Variants in FRK observed in about 807,000 individuals in gnomAD.
FRK encodes the protein tyrosine-protein kinase FRK.
Under a neutral mutation model 56.4 loss-of-function variants are expected in FRK, and 51 were observed. The observed-to-expected ratio is 0.90, with a 90% CI of 0.72 to 1.14. The LOEUF (loss-of-function observed/expected upper bound fraction) is 1.14. Ranked by LOEUF, FRK falls within the 50% of genes most tolerant of loss-of-function variation. The pLI is 0.00. For synonymous variants in FRK, 245 were observed against 217.9 expected (o/e 1.12, Z -1.10); for missense variants, 570 against 601.4 (o/e 0.95, Z 0.55).
At chr6:115,989,762 C>G (rs1774522780) in intron 2 of FRK, among the ~76,000 whole-genome samples, 1 of 151,914 alleles carries the variant, frequency 6.6e-6, no homozygotes, top group Non-Finnish European at 1.5e-5. Context: ...GTGCAGGTGT[C>G]TTTTTGGGAT....
At chr6:115,972,240 C>T (rs760659359) in intron 2 of FRK, among the ~76,000 whole-genome samples, 4 of 152,210 alleles carry the variant, frequency 2.6e-5, no homozygotes, top group Non-Finnish European at 4.4e-5. Context: ...CACTTTTGCT[C>T]ATTAGGAGAC....
At chr6:115,979,598 C>T (rs527295604) in intron 2 of FRK, among the ~76,000 whole-genome samples, 1 of 152,222 alleles carries the variant, frequency 6.6e-6, no homozygotes, top group East Asian at 1.9e-4. Context: ...AATAACATCA[C>T]AGGCCTTCAC....
At chr6:116,017,928 C>T (rs1192304788) in intron 1 of FRK, among the ~76,000 whole-genome samples, 1 of 152,182 alleles carries the variant, frequency 6.6e-6, no homozygotes, top group Non-Finnish European at 1.5e-5. Context: ...CCTTACAAAA[C>T]ATTACAAATT....
chr6:115,960,256 C>A (rs1489301055), intron 4 of FRK, among the ~76,000 whole-genome samples: 1 of 151,028 alleles, frequency 6.6e-6, no homozygotes, highest in Non-Finnish European at 1.5e-5. Flanking sequence ...TCAGGGAGTT[C>A]CCTTTCCGAG....
the FRK span, among the ~76,000 whole-genome samples, chr6:116,072,083 A>G: frequency 6.6e-6 from 1 of 152,188 alleles, no homozygotes; most frequent in South Asian, 2.1e-4. Context: ...AAACTACTAG[A>G]GCATTAGATA....
intron 5 of FRK, among the ~76,000 whole-genome samples, chr6:115,950,566 G>A (rs1169893361): frequency 6.6e-6 from 1 of 152,188 alleles, no homozygotes; most frequent in African/African-American, 2.4e-5. Flanking sequence ...TTACACTGTT[G>A]GTGGGAGTGT....
intron 1 of FRK, among the ~76,000 whole-genome samples, chr6:116,010,550 G>A (rs1026377935): frequency 6.6e-6 from 1 of 152,168 alleles, no homozygotes; most frequent in Non-Finnish European, 1.5e-5. Context: ...AGATGGAAGA[G>A]ACGATGTGAC....
intron 1 of FRK, among the ~76,000 whole-genome samples, chr6:116,014,267 T>C (rs539554634): frequency 5.3e-5 from 8 of 152,132 alleles, no homozygotes; most frequent in Non-Finnish European, 1.2e-4. Flanking sequence ...ACTTTTCCTT[T>C]GAAAATCTTA....
intron 5 of FRK, among the ~76,000 whole-genome samples, chr6:115,946,618 T>A (rs1772465505): frequency 6.6e-6 from 1 of 152,054 alleles, no homozygotes; most frequent in African/African-American, 2.4e-5. Context: ...GAGATATAGA[T>A]TTAACGATCA....
chr6:116,062,450 T>G (rs922878874), upstream of FRK, among the ~76,000 whole-genome samples: 15 of 146,808 alleles, frequency 1.0e-4, no homozygotes, highest in African/African-American at 3.8e-4. Flanking sequence ...GACATCTACA[T>G]GATCTAAAAA....
chr6:115,971,720 A>G (rs3798241), intron 2 of FRK, among the ~76,000 whole-genome samples: 39,538 of 152,084 alleles, frequency 0.26, 6,278 homozygotes, highest in East Asian at 0.63. Flanking sequence ...CCCAGATGAT[A>G]ACCAAAACAC....
intron 5 of FRK, among the ~76,000 whole-genome samples, chr6:115,947,082 A>G (rs1165491951): frequency 3.9e-5 from 6 of 151,906 alleles, no homozygotes; most frequent in African/African-American, 2.4e-5. Context: ...AGCAGTTATC[A>G]TAAAATTTGG....
chr6:116,058,910 C>CAAA (rs3049930), intron 1 of FRK, among the ~76,000 whole-genome samples: 4,840 of 78,120 alleles, frequency 0.062, 233 homozygotes, highest in Middle Eastern at 0.087. Flanking sequence ...GACTCCGTCT[C>CAAA]AAAAAAAAAA....
At chr6:116,046,106 T>C (rs6900399) in intron 1 of FRK, among the ~76,000 whole-genome samples, 151,549 of 152,312 alleles carry the variant, frequency 0.99, 75,400 homozygotes, top group Middle Eastern at 1. Context: ...CCATCTCATG[T>C]CAGTTAGAAT....
At chr6:116,051,376 G>A (rs774640242) in intron 1 of FRK, among the ~76,000 whole-genome samples, 3 of 151,984 alleles carry the variant, frequency 2.0e-5, no homozygotes, top group African/African-American at 4.8e-5. Flanking sequence ...ACATTCAATC[G>A]ACTCAATTGG....
rs1259101485 is a variant in FRK, at chr6:115,938,696, C to T, written c.*3718G>A. On this transcript the variant is annotated 3_prime_UTR_variant, in exon 8 of 8. Transcript: ENST00000606080. ...CCATCAGAGATTACTATAAATACCT[C>T]TAAGCAAATAAACTAGAAAATCTAG... 6.6e-6 allele frequency: 1 copy of T among 152,174 alleles called. No individual in the cohort carries two copies. Among genetic ancestry groups the T allele is most frequent in the Non-Finnish European group, 1.5e-5 (1 of 68,030 alleles). The allele number at this position is 152,174 out of a possible 1,614,324, so 9.4% of individuals were successfully genotyped here.
the FRK span, among the ~76,000 whole-genome samples, chr6:116,070,945 C>G: frequency 6.6e-6 from 1 of 152,064 alleles, no homozygotes; most frequent in South Asian, 2.1e-4. Context: ...TTTTAAGTAC[C>G]TGGTACTTTA....
At chr6:116,098,167 G>C in the FRK span, among the ~76,000 whole-genome samples, 1 of 139,996 alleles carries the variant, frequency 7.1e-6, no homozygotes. Context: ...GCTGGAGTGC[G>C]ATGGCCTGAT....
chr6:115,951,768 T>C (rs2119323), intron 5 of FRK, among the ~76,000 whole-genome samples: 6,172 of 152,250 alleles, frequency 0.041, 339 homozygotes, highest in Admixed American at 0.15. Flanking sequence ...TGACACACAT[T>C]TCCTACTTTG....
Sources: allele counts gnomAD v4.1 joint callset (sites outside exome capture counted in the v4.1 genomes callset), GRCh38; gene constraint gnomAD v4.1.1; transcripts MANE v1.5; gene names NCBI Gene and HGNC (gene_info 2026-07-23, HGNC 2026-07-21).